CASD1: variants seen among roughly 807,000 people sequenced by gnomAD.
The protein encoded by CASD1 is CAS1 domain sialic acid O acetyltransferase 1, also known as N-acetylneuraminate (7)9-O-acetyltransferase.
CASD1 carries 41 observed loss-of-function variants against 100.0 expected under a neutral mutation model. The ratio of observed to expected loss-of-function variants is 0.41; its 90% CI spans 0.32 to 0.53. The LOEUF (loss-of-function observed/expected upper bound fraction) is 0.53, where lower values mean the gene tolerates loss of function less well. Among genes scored for constraint, CASD1 ranks in the 20% least tolerant of loss-of-function variants. CASD1 has a pLI of 0.25. For synonymous variants in CASD1, 321 were observed against 315.6 expected, an observed-to-expected ratio of 1.02 and a Z score of -0.18; for missense variants, 774 against 948.7, an observed-to-expected ratio of 0.82 and a Z score of 2.42.
chr7:94,571,410 C>T, the CASD1 span, among the ~76,000 whole-genome samples: 29 of 152,214 alleles, frequency 1.9e-4, no homozygotes, highest in African/African-American at 1.9e-4. Context: ...TGACAGGTTC[C>T]GCACTGCCCC....
At chr7:94,532,251 A>G (rs1167319926) in intron 5 of CASD1, among the ~76,000 whole-genome samples, 1 of 152,164 alleles carries the variant, frequency 6.6e-6, no homozygotes, top group Non-Finnish European at 1.5e-5. Context: ...TTAATATATA[A>G]ATTAGGCACA....
the CASD1 span, chr7:94,624,390 T>C: frequency 2.5e-6 from 1 of 394,458 alleles, no homozygotes. Context: ...GTTAGAACAG[T>C]AAGAATTTTG....
chr7:94,537,727 C>G lies in CASD1; in HGVS notation c.1099C>G (p.Leu367Val). 6.2e-7 allele frequency: 1 copy of G among 1,613,618 alleles called. No homozygotes were observed. The highest frequency in any genetic ancestry group is 1.1e-5 in the South Asian group (1 of 91,074). Residue 367 changes from leucine to valine, a missense_variant, in exon 9 of 18, where the codon CTT (leucine) becomes GTT (valine). Transcript: ENST00000297273. Reference sequence around the variant, plus strand: ...TACCCCTGTGTCTTCATTAGAAATACTTTTACAATCTTTCTGCAAACTTGG... The same window carrying G: ...TACCCCTGTGTCTTCATTAGAAATAGTTTTACAATCTTTCTGCAAACTTGG... ...INTPVSSLEI[L>V]LQSFCKLGLI... is the part of the protein sequence containing the mutation.
At chr7:94,587,115 T>G in the CASD1 span, 858 of 983,932 alleles carry the variant, frequency 8.7e-4, 29 homozygotes, top group East Asian at 0.056. Flanking sequence ...TTTTATAAAT[T>G]AGGTTAAACA....
rs1352635312 is a variant in CASD1, at chr7:94,530,905, T to TA, written c.460-2300_460-2299insA. Among the ~76,000 whole-genome samples the TA allele has an allele frequency of 6.6e-5, 10 of 152,068 alleles. No homozygotes were observed. In the South Asian group the frequency reaches 2.1e-3, roughly 32 times the overall value. On this transcript the variant is annotated intron_variant, in intron 5 of 17. Transcript: ENST00000297273. ...AATCACATACAGGGGAGGTAAGGAT[T>TA]TTAAAAGATGGGTAGTCACCAGTGT...
the CASD1 span, chr7:94,594,402 T>C: frequency 6.6e-6 from 1 of 152,134 alleles, no homozygotes; most frequent in East Asian, 1.9e-4. Context: ...ACTTACTATA[T>C]GAGGGCATGA....
intron 1 of CASD1, among the ~76,000 whole-genome samples, chr7:94,513,585 C>T (rs62465674): frequency 6.6e-6 from 1 of 152,112 alleles, no homozygotes; most frequent in Non-Finnish European, 1.5e-5. Context: ...AATGTCACAC[C>T]CACAGCAGTA....
chr7:94,610,810 A>C, the CASD1 span, among the ~76,000 whole-genome samples: 1 of 152,226 alleles, frequency 6.6e-6, no homozygotes, highest in Non-Finnish European at 1.5e-5. Context: ...TAATCAAAAA[A>C]TGAATAATTC....
intron 1 of CASD1, among the ~76,000 whole-genome samples, chr7:94,517,050 T>TG (rs1461842841): frequency 2.0e-5 from 3 of 152,048 alleles, no homozygotes; most frequent in African/African-American, 7.2e-5. Context: ...ACTACAGATG[T>TG]GTGCCACCAC....
At chr7:94,565,151 G>A in the CASD1 span, among the ~76,000 whole-genome samples, 99 of 152,090 alleles carry the variant, frequency 6.5e-4, no homozygotes, top group African/African-American at 2.3e-3. Context: ...CTACCCCCAA[G>A]ACTCTAATGG....
the CASD1 span, chr7:94,628,089 A>G: frequency 3.9e-6 from 3 of 764,560 alleles, no homozygotes; most frequent in Middle Eastern, 2.7e-4. Flanking sequence ...AATATTAAAA[A>G]CCACCATCAG....
chr7:94,565,826 CAT>C, the CASD1 span, among the ~76,000 whole-genome samples: 2 of 152,260 alleles, frequency 1.3e-5, no homozygotes, highest in Non-Finnish European at 2.9e-5. Context: ...CAGACAGAAT[CAT>C]ATGTGCAATA....
chr7:94,533,341 T>G (rs1243384645), intron 6 of CASD1, 92 bp downstream of exon 6: 1 of 1,010,894 alleles, frequency 9.9e-7, no homozygotes, highest in African/African-American at 1.6e-5. Context: ...AATTCTTGAT[T>G]GTACCTAAAT....
chr7:94,519,730 C>T (rs1371186531), intron 3 of CASD1, among the ~76,000 whole-genome samples: 1 of 152,060 alleles, frequency 6.6e-6, no homozygotes, highest in Non-Finnish European at 1.5e-5. Flanking sequence ...TGGTCTTAAA[C>T]TTCTGAGCTC....
the CASD1 span, among the ~76,000 whole-genome samples, chr7:94,582,169 G>GT: frequency 1.1e-4 from 17 of 152,174 alleles, no homozygotes; most frequent in Non-Finnish European, 2.2e-4. Context: ...CCAGACTGAA[G>GT]TGCAGTGGCA....
downstream of CASD1, among the ~76,000 whole-genome samples, chr7:94,557,712 C>G (rs1383194830): frequency 6.6e-6 from 1 of 151,798 alleles, no homozygotes; most frequent in Non-Finnish European, 1.5e-5. Context: ...TTCTTCATCA[C>G]TTGTTCTTAT....
At chr7:94,552,644 C>G (rs1156663977) in intron 16 of CASD1, among the ~76,000 whole-genome samples, 2 of 152,040 alleles carry the variant, frequency 1.3e-5, no homozygotes, top group Non-Finnish European at 2.9e-5. Flanking sequence ...GTATTTTTCA[C>G]TTAATCTGCC....
At chr7:94,600,552 T>C in the CASD1 span, 2 of 883,700 alleles carry the variant, frequency 2.3e-6, no homozygotes, top group Admixed American at 2.1e-5. Context: ...ACAAAGTGTT[T>C]TATGAACCAA....
At chr7:94,614,107 CAAAAAAAA>C in the CASD1 span, among the ~76,000 whole-genome samples, 6 of 94,964 alleles carry the variant, frequency 6.3e-5, no homozygotes, top group African/African-American at 9.7e-5. Flanking sequence ...AAATTGAAAT[CAAAAAAAA>C]AAAAAAAAAA....
Sources: allele counts gnomAD v4.1 joint callset (sites outside exome capture counted in the v4.1 genomes callset), GRCh38; gene constraint gnomAD v4.1.1; transcripts MANE v1.5; gene names NCBI Gene and HGNC (gene_info 2026-07-23, HGNC 2026-07-21).